The following ATXN1 variants were observed in gnomAD, a reference collection of about 807,000 sequenced individuals.
The protein encoded by ATXN1 is ataxin-1.
A neutral mutation model predicts 56.4 loss-of-function variants in ATXN1; 8 were observed. The observed-to-expected ratio is 0.14, with a 90% CI of 0.08 to 0.26. The LOEUF (loss-of-function observed/expected upper bound fraction) is 0.26, where lower values mean the gene tolerates loss of function less well. Ranked by LOEUF, ATXN1 falls within the 10% of genes least tolerant of loss-of-function variation. The pLI is 1.00. For synonymous variants in ATXN1, 514 were observed against 494.6 expected, an observed-to-expected ratio of 1.04 and a Z score of -0.52; for missense variants, 987 against 1,106.5, an observed-to-expected ratio of 0.89 and a Z score of 1.53.
At chr6:16,392,307 G>T (rs1334718758) in intron 6 of ATXN1, among the ~76,000 whole-genome samples, 1 of 152,196 alleles carries the variant, frequency 6.6e-6, no homozygotes, top group Non-Finnish European at 1.5e-5. Flanking sequence ...GATACCCATG[G>T]ATACAGAAAC....
chr6:16,572,608 G>C (rs1217640077), intron 4 of ATXN1, among the ~76,000 whole-genome samples: 1 of 152,052 alleles, frequency 6.6e-6, no homozygotes, highest in East Asian at 1.9e-4. Flanking sequence ...TGAAAACAAG[G>C]GTATAAAGGC....
chr6:16,536,151 A>G (rs1761593104), intron 4 of ATXN1, among the ~76,000 whole-genome samples: 1 of 152,180 alleles, frequency 6.6e-6, no homozygotes, highest in South Asian at 2.1e-4. Context: ...CCGAAGGTCC[A>G]GTCTGCAGTG....
intron 3 of ATXN1, among the ~76,000 whole-genome samples, chr6:16,613,122 G>A (rs1391107757): frequency 1.6e-3 from 242 of 149,354 alleles, no homozygotes; most frequent in African/African-American, 5.7e-3. Context: ...AAAATTAGCC[G>A]GGCGCGGTGG....
intron 6 of ATXN1, among the ~76,000 whole-genome samples, chr6:16,412,794 A>G (rs571211156): frequency 3.3e-5 from 5 of 152,252 alleles, no homozygotes; most frequent in Non-Finnish European, 5.9e-5. Flanking sequence ...CCCACAAAGT[A>G]GTAGATTTCC....
At chr6:16,437,957 T>C (rs1759428124) in intron 6 of ATXN1, among the ~76,000 whole-genome samples, 3 of 152,194 alleles carry the variant, frequency 2.0e-5, no homozygotes, top group Non-Finnish European at 4.4e-5. Context: ...AATAGAAAGA[T>C]GTGACACTTC....
At chr6:16,596,843 G>A (rs1002535774) in intron 3 of ATXN1, among the ~76,000 whole-genome samples, 1 of 152,194 alleles carries the variant, frequency 6.6e-6, no homozygotes, top group South Asian at 2.1e-4. Context: ...CAGGCACAGA[G>A]CACAAAGAAG....
chr6:16,540,786 T>G (rs1165248965), intron 4 of ATXN1, among the ~76,000 whole-genome samples: 1 of 152,228 alleles, frequency 6.6e-6, no homozygotes, highest in African/African-American at 2.4e-5. Context: ...TTGGAATGGC[T>G]GTCTCATGTA....
rs1350260689 is a variant in ATXN1, at chr6:16,302,993, G to T, written c.*3336C>A. 1 of 152,618 alleles carries T rather than the reference G, an allele frequency of 6.6e-6. No homozygotes were observed. Among genetic ancestry groups the T allele is most frequent in the Non-Finnish European group, 1.5e-5 (1 of 68,056 alleles). 9.5% of individuals were successfully genotyped at this position (152,618 alleles called of 1,614,324 possible). On this transcript the variant is annotated 3_prime_UTR_variant, in exon 8 of 8. Transcript: ENST00000436367. Reference sequence around the variant, plus strand: ...CCTCTGTGCGTTCTTCCTATTTGAAGAGAAAGCTGCCACAAGGGAGTGGTG... The same window carrying T: ...CCTCTGTGCGTTCTTCCTATTTGAATAGAAAGCTGCCACAAGGGAGTGGTG...
intron 4 of ATXN1, among the ~76,000 whole-genome samples, chr6:16,553,096 G>A (rs1761952113): frequency 1.3e-5 from 2 of 152,180 alleles, no homozygotes; most frequent in South Asian, 2.1e-4. Flanking sequence ...GCCTCTCTAC[G>A]TGGCTACCCT....
chr6:16,574,451 C>T lies in ATXN1; in HGVS notation c.-361+11329G>A, dbSNP rs1025125119. ...CTCGAACTCCCGACCTCAGGTGATC[C>T]GCCCGCCTCGGCCTCCCAAAGTGTT... On this transcript the variant is annotated intron_variant, in intron 4 of 7. Coordinates refer to ENST00000436367, the MANE Select transcript of ATXN1 (RefSeq NM_001128164.2). Among the ~76,000 whole-genome samples the T allele has an allele frequency of 3.4e-4, 51 of 152,208 alleles. 1 individual carries two copies. Among genetic ancestry groups the T allele is most frequent in the Admixed American group, 3.2e-3 (49 of 15,286 alleles).
At chr6:16,386,346 G>A (rs150623417) in intron 6 of ATXN1, among the ~76,000 whole-genome samples, 222 of 152,236 alleles carry the variant, frequency 1.5e-3, no homozygotes, top group African/African-American at 4.9e-3. Context: ...TGGTGACAGC[G>A]CGTTAACCAT....
At chr6:16,513,647 C>A (rs770585288) in intron 5 of ATXN1, among the ~76,000 whole-genome samples, 1 of 152,132 alleles carries the variant, frequency 6.6e-6, no homozygotes, top group African/African-American at 2.4e-5. Context: ...AAGAGCGTCA[C>A]GTGTCTTCCA....
chr6:16,378,525 C>G (rs1342788368), intron 6 of ATXN1, among the ~76,000 whole-genome samples: 1 of 150,734 alleles, frequency 6.6e-6, no homozygotes, highest in Non-Finnish European at 1.5e-5. Context: ...CACCACTGGG[C>G]CCCTCTCTTG....
intron 6 of ATXN1, among the ~76,000 whole-genome samples, chr6:16,432,020 T>C (rs1414577609): frequency 6.6e-5 from 10 of 152,184 alleles, no homozygotes; most frequent in Non-Finnish European, 1.5e-4. Flanking sequence ...CAGAGAGTGA[T>C]GGAAATGGTG....
chr6:16,480,043 T>C (rs1012647116), intron 6 of ATXN1, among the ~76,000 whole-genome samples: 1 of 149,198 alleles, frequency 6.7e-6, no homozygotes, highest in Non-Finnish European at 1.5e-5. Flanking sequence ...TCCCAGCTAC[T>C]TGGGAGGCTG....
intron 2 of ATXN1, among the ~76,000 whole-genome samples, chr6:16,687,128 C>A (rs1758935393): frequency 6.6e-6 from 1 of 152,186 alleles, no homozygotes; most frequent in Non-Finnish European, 1.5e-5. Flanking sequence ...TGTCTGCTTG[C>A]TAGTATATGA....
chr6:16,680,794 A>G (rs1758797324), intron 2 of ATXN1, among the ~76,000 whole-genome samples: 1 of 152,250 alleles, frequency 6.6e-6, no homozygotes. Context: ...AGATCGAAAG[A>G]TTCTTTCTTC....
At chr6:16,429,377 T>TAAA (rs3072200) in intron 6 of ATXN1, among the ~76,000 whole-genome samples, 59,173 of 132,790 alleles carry the variant, frequency 0.45, 13,476 homozygotes, top group Non-Finnish European at 0.47. Flanking sequence ...CTTTTAGCAT[T>TAAA]AAAAAAAAAA....
At chr6:16,761,045 G>C in intron 1 of ATXN1, 1 of 180,432 alleles carries the variant, frequency 5.5e-6, no homozygotes, top group South Asian at 7.6e-5. Context: ...TGGAGCCGGG[G>C]ACGGTTGTAT....
Sources: gnomAD v4.1 joint callset for allele counts (sites outside exome capture counted in the v4.1 genomes callset) on GRCh38, gnomAD v4.1.1 for gene constraint, MANE v1.5 for transcripts, NCBI Gene and HGNC (gene_info 2026-07-23, HGNC 2026-07-21) for gene names.